Variants in MACROD2 observed in about 807,000 individuals in gnomAD.
The protein encoded by MACROD2 is ADP-ribose glycohydrolase MACROD2.
Under a neutral mutation model 70.4 loss-of-function variants are expected in MACROD2, and 36 were observed. The ratio of observed to expected loss-of-function variants is 0.51; its 90% CI spans 0.39 to 0.68. MACROD2 has a LOEUF of 0.68. MACROD2 is among the 30% of genes least tolerant of loss of function. The pLI is 0.00. For synonymous variants in MACROD2, 172 were observed against 178.8 expected, an observed-to-expected ratio of 0.96 and a Z score of 0.30; for missense variants, 496 against 538.4, an observed-to-expected ratio of 0.92 and a Z score of 0.78.
chr20:14,248,126 A>T (rs2081982664), intron 3 of MACROD2, among the ~76,000 whole-genome samples: 1 of 152,162 alleles, frequency 6.6e-6, no homozygotes, highest in Admixed American at 6.5e-5. Context: ...ATATCTGACT[A>T]AATATAAGAA....
intron 3 of MACROD2, among the ~76,000 whole-genome samples, chr20:14,256,650 G>A (rs2082059069): frequency 6.6e-6 from 1 of 152,096 alleles, no homozygotes; most frequent in Admixed American, 6.6e-5. Context: ...TTAAGACCTT[G>A]CACTCTTCCT....
chr20:14,306,898 C>A (rs2082525336), intron 3 of MACROD2, among the ~76,000 whole-genome samples: 1 of 152,016 alleles, frequency 6.6e-6, no homozygotes, highest in Non-Finnish European at 1.5e-5. Context: ...GCTAGAGGAG[C>A]AAATGCCACT....
intron 5 of MACROD2, among the ~76,000 whole-genome samples, chr20:14,700,371 T>G (rs1246650740): frequency 1.3e-5 from 2 of 152,170 alleles, no homozygotes; most frequent in Non-Finnish European, 2.9e-5. Flanking sequence ...TTTCAAAAAT[T>G]TTCATTATGG....
intron 3 of MACROD2, among the ~76,000 whole-genome samples, chr20:14,390,886 T>C (rs774387969): frequency 1.3e-5 from 2 of 152,178 alleles, no homozygotes; most frequent in Non-Finnish European, 2.9e-5. Flanking sequence ...ACAACACCAC[T>C]GATCATTCAA....
At chr20:14,653,255 G>A (rs1158322064) in intron 4 of MACROD2, among the ~76,000 whole-genome samples, 1 of 139,142 alleles carries the variant, frequency 7.2e-6, no homozygotes, top group South Asian at 2.2e-4. Flanking sequence ...GTTTCGCTCT[G>A]TTGCCCAGGC....
At chr20:14,546,739 C>A (rs1178292508) in intron 4 of MACROD2, among the ~76,000 whole-genome samples, 2 of 152,112 alleles carry the variant, frequency 1.3e-5, no homozygotes, top group Non-Finnish European at 2.9e-5. Context: ...ATTCTCTCAA[C>A]TTTTCTTTTC....
chr20:14,198,911 AAAAGATTTCTTTTTTATCATCAT>A (rs1569202686), intron 3 of MACROD2, among the ~76,000 whole-genome samples: 1 of 152,180 alleles, frequency 6.6e-6, no homozygotes, highest in Non-Finnish European at 1.5e-5. Flanking sequence ...TCTTAAAGCT[AAAAGATTTCTTTTTTATCATCAT>A]AATGCAATTT....
chr20:14,140,686 C>T (rs1418394335), intron 3 of MACROD2, among the ~76,000 whole-genome samples: 3 of 152,102 alleles, frequency 2.0e-5, no homozygotes, highest in East Asian at 1.9e-4. Flanking sequence ...CAGCTGCTGC[C>T]GAATGACTTC....
chr20:14,933,545 G>A (rs141599349), intron 5 of MACROD2, among the ~76,000 whole-genome samples: 1,750 of 151,912 alleles, frequency 0.012, 33 homozygotes, highest in African/African-American at 0.04. Flanking sequence ...TGGGAAGATC[G>A]CTTGAGGCCA....
At chr20:14,507,573 A>G (rs1017412633) in intron 4 of MACROD2, among the ~76,000 whole-genome samples, 1 of 152,232 alleles carries the variant, frequency 6.6e-6, no homozygotes, top group Non-Finnish European at 1.5e-5. Context: ...AAAAATGTAG[A>G]CAATAGAAAC....
At chr20:15,872,247 T>C (rs2064596397) in intron 9 of MACROD2, among the ~76,000 whole-genome samples, 1 of 152,176 alleles carries the variant, frequency 6.6e-6, no homozygotes, top group South Asian at 2.1e-4. Context: ...TCCTCTCTGG[T>C]CATCAGTTTT....
At chr20:15,918,497 G>T (rs1447136552) in intron 10 of MACROD2, among the ~76,000 whole-genome samples, 1 of 151,980 alleles carries the variant, frequency 6.6e-6, no homozygotes, top group Non-Finnish European at 1.5e-5. Context: ...ATTATTTGGG[G>T]GTTTTCATAA....
chr20:14,983,294 T>A (rs2074818406), intron 5 of MACROD2, among the ~76,000 whole-genome samples: 1 of 152,148 alleles, frequency 6.6e-6, no homozygotes, highest in African/African-American at 2.4e-5. Flanking sequence ...CAGTTGAGAC[T>A]TTGGACTGTG....
At chr20:14,622,784 TC>T (rs1216133862) in intron 4 of MACROD2, 1 of 152,222 alleles carries the variant, frequency 6.6e-6, no homozygotes, top group Non-Finnish European at 1.5e-5. Context: ...CAGTTGTTTA[TC>T]CCCTCAGTGG....
At chr20:14,979,758 G>A (rs918113212) in intron 5 of MACROD2, among the ~76,000 whole-genome samples, 7 of 152,158 alleles carry the variant, frequency 4.6e-5, no homozygotes, top group African/African-American at 1.7e-4. Context: ...TTGTTGTCAC[G>A]TTGGAAATGC....
At position 15,132,213 on chromosome 20, in the gene MACROD2, A is replaced by C. The variant is rs550979327; in HGVS notation, c.419-97727A>C. On this transcript the variant is annotated intron_variant, in intron 5 of 17. Transcript: ENST00000684519. The stretch of plus-strand genomic sequence containing the variant: ...TGGTCTAAATAACATATCTAAAATG[A>C]AGTAAAATAAAAAGTTTTCAGCTGC... 1.6e-3 allele frequency among the ~76,000 whole-genome samples: 247 copies of C among 152,164 alleles called. 1 individual carries two copies. Among genetic ancestry groups the C allele is most frequent in the African/African-American group, 5.7e-3 (237 of 41,578 alleles).
intron 3 of MACROD2, among the ~76,000 whole-genome samples, chr20:14,427,946 G>A (rs562554811): frequency 1.3e-5 from 2 of 152,196 alleles, no homozygotes; most frequent in Admixed American, 1.3e-4. Context: ...ATGATATTTG[G>A]TAAAAGTTAA....
chr20:14,058,458 C>CT (rs1419501555), intron 2 of MACROD2, among the ~76,000 whole-genome samples: 1 of 150,418 alleles, frequency 6.6e-6, no homozygotes, highest in East Asian at 1.9e-4. Flanking sequence ...AAAAATGAAA[C>CT]TTTTTTCTCT....
intron 8 of MACROD2, among the ~76,000 whole-genome samples, chr20:15,817,988 C>T (rs1266682721): frequency 6.6e-6 from 1 of 152,120 alleles, no homozygotes; most frequent in Non-Finnish European, 1.5e-5. Flanking sequence ...ATTTTCATAG[C>T]AGGGTCTCTT....
Sources: gnomAD v4.1 joint callset for allele counts (sites outside exome capture counted in the v4.1 genomes callset) on GRCh38, gnomAD v4.1.1 for gene constraint, MANE v1.5 for transcripts, NCBI Gene and HGNC (gene_info 2026-07-23, HGNC 2026-07-21) for gene names.